The following RIC8B variants were observed in gnomAD, a reference collection of about 807,000 sequenced individuals.
RIC8B encodes RIC8 guanine nucleotide exchange factor B, also known as chaperone Ric-8B.
Under a neutral mutation model 57.5 loss-of-function variants are expected in RIC8B, and 16 were observed. The ratio of observed to expected loss-of-function variants is 0.28; its 90% CI spans 0.19 to 0.42. The LOEUF is 0.42. RIC8B is among the 10% of genes least tolerant of loss of function. The pLI is 1.00. For missense variants in RIC8B, 481 were observed against 677.0 expected, an observed-to-expected ratio of 0.71 and a Z score of 3.21; for synonymous variants, 216 against 250.8, an observed-to-expected ratio of 0.86 and a Z score of 1.31.
intron 9 of RIC8B, among the ~76,000 whole-genome samples, chr12:106,882,106 T>C (rs1311617102): frequency 6.6e-6 from 1 of 152,210 alleles, no homozygotes; most frequent in Non-Finnish European, 1.5e-5. Flanking sequence ...CCATGTCTTT[T>C]ATTTGCCTCT....
chr12:106,882,476 T>TTAC (rs1342030484), intron 9 of RIC8B, among the ~76,000 whole-genome samples: 3 of 148,558 alleles, frequency 2.0e-5, no homozygotes, highest in African/African-American at 7.8e-5. Flanking sequence ...TTGGTCTACC[T>TTAC]TATTATTATT....
At chr12:106,784,970 C>A (rs1250634298) in intron 2 of RIC8B, among the ~76,000 whole-genome samples, 1 of 152,194 alleles carries the variant, frequency 6.6e-6, no homozygotes. Flanking sequence ...CCTGACTGTT[C>A]TTTCATTTTC....
At chr12:106,837,948 G>A (rs574464782) in intron 4 of RIC8B, among the ~76,000 whole-genome samples, 16 of 152,094 alleles carry the variant, frequency 1.1e-4, no homozygotes, top group South Asian at 4.1e-4. Flanking sequence ...GTCGGGGATC[G>A]TTCTTTTCGT....
chr12:106,870,193 A>G (rs1371746047), intron 8 of RIC8B, among the ~76,000 whole-genome samples: 2 of 152,128 alleles, frequency 1.3e-5, no homozygotes, highest in Non-Finnish European at 2.9e-5. Flanking sequence ...ATCTATTTCC[A>G]GATAGCCAGG....
chr12:106,811,933 C>T (rs2045352539), intron 2 of RIC8B, among the ~76,000 whole-genome samples: 1 of 152,150 alleles, frequency 6.6e-6, no homozygotes, highest in African/African-American at 2.4e-5. Context: ...GATAGAAGAG[C>T]TACAAAGAAT....
At position 106,807,410 on chromosome 12, in the gene RIC8B, G is replaced by A. The variant is rs184680245; in HGVS notation, c.133-7286G>A. On this transcript the variant is annotated intron_variant, in intron 2 of 9. Transcript: ENST00000392837. ...TCAGGGGCCTGTTTCCTTTCAAGTC[G>A]TCAAGTCATGCTTCACCTTCTGAGC... 1.2e-3 allele frequency among the ~76,000 whole-genome samples: 189 copies of A among 152,274 alleles called. 1 individual carries two copies. The highest frequency in any genetic ancestry group is 4.3e-3 in the African/African-American group (179 of 41,554).
At chr12:106,785,586 T>G (rs998599984) in intron 2 of RIC8B, among the ~76,000 whole-genome samples, 1 of 152,142 alleles carries the variant, frequency 6.6e-6, no homozygotes, top group Non-Finnish European at 1.5e-5. Context: ...GAATATAAAT[T>G]TTGTAGATTA....
At chr12:106,776,734 T>G (rs955921346) in intron 1 of RIC8B, among the ~76,000 whole-genome samples, 1 of 152,162 alleles carries the variant, frequency 6.6e-6, no homozygotes, top group African/African-American at 2.4e-5. Flanking sequence ...TTTTTAAGGT[T>G]GTTTTGCATG....
intron 1 of RIC8B, among the ~76,000 whole-genome samples, chr12:106,776,252 T>C (rs1408757458): frequency 6.6e-6 from 1 of 152,264 alleles, no homozygotes; most frequent in African/African-American, 2.4e-5. Flanking sequence ...CTTCACTTTC[T>C]GATACACTTT....
At chr12:106,849,291 A>G (rs1035401953) in intron 6 of RIC8B, among the ~76,000 whole-genome samples, 6 of 48,878 alleles carry the variant, frequency 1.2e-4, no homozygotes, top group African/African-American at 3.7e-4. Context: ...TAAATAGTTT[A>G]TTTATTTATT....
chr12:106,817,824 C>CAA (rs1256361414), intron 3 of RIC8B, among the ~76,000 whole-genome samples: 4,804 of 111,948 alleles, frequency 0.043, 419 homozygotes, highest in African/African-American at 0.14. Flanking sequence ...AACACTGTCT[C>CAA]AAAAAAAAAA....
intron 7 of RIC8B, among the ~76,000 whole-genome samples, chr12:106,854,618 C>G (rs888265768): frequency 6.6e-6 from 1 of 151,972 alleles, no homozygotes; most frequent in Non-Finnish European, 1.5e-5. Flanking sequence ...TGGTGAAACC[C>G]CGTCTCTACT....
intron 3 of RIC8B, among the ~76,000 whole-genome samples, chr12:106,818,588 T>C (rs921006373): frequency 3.3e-5 from 5 of 152,202 alleles, no homozygotes; most frequent in African/African-American, 7.2e-5. Context: ...GCTGGGACTA[T>C]GAGTGCAGGC....
At chr12:106,875,156 C>T (rs1334871431) in intron 9 of RIC8B, among the ~76,000 whole-genome samples, 1 of 152,140 alleles carries the variant, frequency 6.6e-6, no homozygotes, top group Non-Finnish European at 1.5e-5. Flanking sequence ...TGAGCCATGA[C>T]TGGCTTATTT....
At chr12:106,865,180 G>A (rs1302117204) in intron 8 of RIC8B, among the ~76,000 whole-genome samples, 1 of 152,050 alleles carries the variant, frequency 6.6e-6, no homozygotes, top group Non-Finnish European at 1.5e-5. Context: ...TTGCCAGCCT[G>A]CCATATTTTA....
intron 4 of RIC8B, among the ~76,000 whole-genome samples, chr12:106,836,219 A>C (rs1314761365): frequency 6.6e-6 from 1 of 152,196 alleles, no homozygotes; most frequent in Non-Finnish European, 1.5e-5. Context: ...TCAGCCTCTG[A>C]ATGATTGATC....
At chr12:106,810,823 C>T (rs915972488) in intron 2 of RIC8B, among the ~76,000 whole-genome samples, 3 of 152,216 alleles carry the variant, frequency 2.0e-5, no homozygotes, top group Non-Finnish European at 4.4e-5. Flanking sequence ...ATAACCTGTA[C>T]TGAACATTTA....
At position 106,791,264 on chromosome 12, in the gene RIC8B, T is replaced by A. The variant is rs976123737; in HGVS notation, c.132+7220T>A. On this transcript the variant is annotated intron_variant, in intron 2 of 9. Transcript: ENST00000392837. The stretch of plus-strand genomic sequence containing the variant: ...AGGAGATAAATGGCAGCCACCTGTA[T>A]AGTTATTACTGTGGATATTTTTCTT... 3.3e-5 allele frequency among the ~76,000 whole-genome samples: 5 copies of A among 152,350 alleles called. No homozygotes were observed. In the South Asian group the frequency reaches 1.0e-3, roughly 32 times the overall value.
chr12:106,855,401 T>C (rs1293878555), intron 7 of RIC8B, among the ~76,000 whole-genome samples: 1 of 145,544 alleles, frequency 6.9e-6, no homozygotes, highest in Non-Finnish European at 1.5e-5. Flanking sequence ...TGCATACTTA[T>C]ATCACTGTCC....
Sources: gnomAD v4.1 joint callset for allele counts (sites outside exome capture counted in the v4.1 genomes callset) on GRCh38, gnomAD v4.1.1 for gene constraint, MANE v1.5 for transcripts, NCBI Gene and HGNC (gene_info 2026-07-23, HGNC 2026-07-21) for gene names.